Variants in CREB5 observed in about 807,000 individuals in gnomAD.
The protein encoded by CREB5 is cyclic AMP-responsive element-binding protein 5.
In CREB5, 19 loss-of-function variants were observed where a neutral mutation model predicts 57.1. That is an observed-to-expected ratio of 0.33 (90% CI 0.23 to 0.49). CREB5 has a LOEUF of 0.49. Among genes scored for constraint, CREB5 ranks in the 20% least tolerant of loss-of-function variants. The pLI is 0.99. For synonymous variants in CREB5, 238 were observed against 238.3 expected (o/e 1.00, Z 0.01); for missense variants, 579 against 671.6 (o/e 0.86, Z 1.52).
intron 1 of CREB5, among the ~76,000 whole-genome samples, chr7:28,440,628 T>G (rs1789147701): frequency 6.6e-6 from 1 of 152,190 alleles, no homozygotes; most frequent in Non-Finnish European, 1.5e-5. Flanking sequence ...TAGCCACTTA[T>G]AAAACCACTG....
At position 28,560,809 on chromosome 7, in the gene CREB5, C is replaced by CGT. The variant is rs1262271618; in HGVS notation, c.292-9544_292-9543dup. On this transcript the variant is annotated intron_variant, in intron 4 of 10. Coordinates refer to ENST00000357727, the MANE Select transcript of CREB5 (RefSeq NM_182898.4). ...TCTCTGCTTCCACAGTGTGTGTGCGCGTGTGTGTGTGTGCGCGCGCGCGCG... is the reference window on the plus strand; with the variant it reads ...TCTCTGCTTCCACAGTGTGTGTGCGCGTGTGTGTGTGTGTGCGCGCGCGCGCG... Among the ~76,000 whole-genome samples the CGT allele has an allele frequency of 1.1e-3, 22 of 19,408 alleles. 5 individuals carry two copies. The highest frequency in any genetic ancestry group is 2.9e-3 in the African/African-American group (22 of 7,524). 12.7% of individuals were successfully genotyped at this position (19,408 alleles called of 152,430 possible).
rs552531701 is a variant in CREB5 at position 28,718,427 on chromosome 7, A to G, written c.465-326A>G. Reference sequence around the variant, plus strand: ...ACACTTCAGAGGGCTGAGATTTCTGAGTAAACAAAGGATTTCACCACCAAG... The same window carrying G: ...ACACTTCAGAGGGCTGAGATTTCTGGGTAAACAAAGGATTTCACCACCAAG... On this transcript the variant is annotated intron_variant, in intron 5 of 10. Coordinates refer to ENST00000357727, the MANE Select transcript of CREB5 (RefSeq NM_182898.4). Among the ~76,000 whole-genome samples, 3 of 152,356 alleles carry G rather than the reference A, an allele frequency of 2.0e-5. No individual in the cohort carries two copies. In the South Asian group the frequency reaches 6.2e-4, roughly 32 times the overall value.
chr7:28,761,803 T>G (rs948480725), intron 7 of CREB5, among the ~76,000 whole-genome samples: 1 of 151,954 alleles, frequency 6.6e-6, no homozygotes, highest in African/African-American at 2.4e-5. Context: ...AGGTGATAAT[T>G]CAGGAAAATA....
At chr7:28,570,278 G>C in intron 4 of CREB5, 87 bp from the exon 5 acceptor site, 1 of 1,417,896 alleles carries the variant, frequency 7.1e-7, no homozygotes, top group Non-Finnish European at 9.7e-7. Context: ...GACATGACTA[G>C]ATTCCCAGTT....
intron 4 of CREB5, among the ~76,000 whole-genome samples, chr7:28,560,933 TGTGC>T (rs765001195): frequency 2.0e-5 from 1 of 49,342 alleles, no homozygotes. Flanking sequence ...CGCGTGCGTG[TGTGC>T]GTGCGTGTGT....
At chr7:28,787,374 A>G (rs1403808264) in intron 7 of CREB5, among the ~76,000 whole-genome samples, 1 of 152,216 alleles carries the variant, frequency 6.6e-6, no homozygotes. Context: ...AGGGCAGCAG[A>G]GAAAGCCTGG....
intron 5 of CREB5, among the ~76,000 whole-genome samples, chr7:28,711,186 T>C: frequency 6.6e-6 from 1 of 152,158 alleles, no homozygotes; most frequent in Non-Finnish European, 1.5e-5. Context: ...GTGACAGTTT[T>C]AGGACAGGAG....
At chr7:28,584,483 C>G (rs1192617998) in intron 5 of CREB5, among the ~76,000 whole-genome samples, 3 of 152,046 alleles carry the variant, frequency 2.0e-5, no homozygotes, top group Non-Finnish European at 4.4e-5. Context: ...TGCCATGTGT[C>G]TGCAGAGGCG....
intron 3 of CREB5, among the ~76,000 whole-genome samples, chr7:28,503,915 G>T (rs1215263484): frequency 3.3e-5 from 5 of 149,502 alleles, no homozygotes; most frequent in Non-Finnish European, 7.4e-5. Context: ...CCAGAAAAAG[G>T]TCCCAGGGCT....
At chr7:28,371,867 C>A (rs570117363) in intron 1 of CREB5, among the ~76,000 whole-genome samples, 3 of 152,154 alleles carry the variant, frequency 2.0e-5, no homozygotes, top group Non-Finnish European at 4.4e-5. Context: ...GTAGACACCA[C>A]GCTCCCAATC....
chr7:28,490,105 C>G (rs1311088660), intron 2 of CREB5, among the ~76,000 whole-genome samples: 2 of 152,202 alleles, frequency 1.3e-5, no homozygotes, highest in African/African-American at 4.8e-5. Flanking sequence ...TGATTCAACT[C>G]AAATTTCTCA....
intron 1 of CREB5, among the ~76,000 whole-genome samples, chr7:28,329,365 C>G (rs1176205288): frequency 6.6e-6 from 1 of 152,154 alleles, no homozygotes; most frequent in Non-Finnish European, 1.5e-5. Flanking sequence ...CCAGAAATTT[C>G]TAGAGTTCAT....
At chr7:28,567,343 A>T (rs1390161015) in intron 4 of CREB5, among the ~76,000 whole-genome samples, 3 of 152,232 alleles carry the variant, frequency 2.0e-5, no homozygotes. Context: ...CAAGATGAAC[A>T]GACAGGACAT....
chr7:28,338,590 T>A (rs1444754485), intron 1 of CREB5, among the ~76,000 whole-genome samples: 1 of 152,196 alleles, frequency 6.6e-6, no homozygotes, highest in African/African-American at 2.4e-5. Context: ...ATTAAATGCC[T>A]TGAGGTAGTC....
chr7:28,401,747 C>A (rs538518991), intron 1 of CREB5, among the ~76,000 whole-genome samples: 4 of 152,232 alleles, frequency 2.6e-5, no homozygotes, highest in South Asian at 4.2e-4. Flanking sequence ...TGAACTCATC[C>A]TTTTTTATGG....
At chr7:28,494,255 A>C (rs1791923350) in intron 2 of CREB5, among the ~76,000 whole-genome samples, 1 of 152,198 alleles carries the variant, frequency 6.6e-6, no homozygotes, top group Non-Finnish European at 1.5e-5. Context: ...AAATGGAAAA[A>C]TTTTAACTCG....
intron 5 of CREB5, among the ~76,000 whole-genome samples, chr7:28,675,398 C>A (rs1445762016): frequency 6.6e-6 from 1 of 152,116 alleles, no homozygotes; most frequent in Non-Finnish European, 1.5e-5. Context: ...GTTTCAGAGC[C>A]CACCTTCAGA....
At chr7:28,560,987 T>TGCGCGTGCGTGTGTGCGCGTGC (rs1212595303) in intron 4 of CREB5, among the ~76,000 whole-genome samples, 2 of 64,450 alleles carry the variant, frequency 3.1e-5, no homozygotes, top group South Asian at 7.6e-4. Flanking sequence ...TGTGCGTGCG[T>TGCGCGTGCGTGTGTGCGCGTGC]GTGTGTGCCT....
At position 28,679,069 on chromosome 7, in the gene CREB5, T is replaced by TTTTTC. The variant is rs1800466299; in HGVS notation, c.465-39684_465-39683insTTTTC. Among the ~76,000 whole-genome samples the TTTTTC allele has an allele frequency of 2.0e-5, 3 of 146,420 alleles. No individual in the cohort carries two copies. The South Asian group carries it at 6.4e-4, about 31-fold the overall frequency. On this transcript the variant is annotated intron_variant, in intron 5 of 10. Transcript: ENST00000357727. ...TTGTAGTTCTTTTTTTTTTTTTTTTTCATTTAAGCATGTTTTAACAATGAA... is the reference window on the plus strand; with the variant it reads ...TTGTAGTTCTTTTTTTTTTTTTTTTTTTTTCCATTTAAGCATGTTTTAACAATGAA...
Sources: gnomAD v4.1 joint callset for allele counts (sites outside exome capture counted in the v4.1 genomes callset) on GRCh38, gnomAD v4.1.1 for gene constraint, MANE v1.5 for transcripts, NCBI Gene and HGNC (gene_info 2026-07-23, HGNC 2026-07-21) for gene names.